Variants in GRIK4 observed in about 807,000 individuals in gnomAD.
GRIK4 encodes glutamate ionotropic receptor kainate type subunit 4.
A neutral mutation model predicts 104.9 loss-of-function variants in GRIK4; 40 were observed. The ratio of observed to expected loss-of-function variants is 0.38; its 90% CI spans 0.30 to 0.50. The LOEUF is 0.50. Among genes scored for constraint, GRIK4 ranks in the 20% least tolerant of loss-of-function variants. The probability of loss-of-function intolerance (pLI) is 0.93; values close to 1 mark genes in which losing one functional copy is unlikely to be tolerated. For synonymous variants in GRIK4, 485 were observed against 524.9 expected (o/e 0.92, Z 1.04); for missense variants, 1,047 against 1,308.1 (o/e 0.80, Z 3.08).
chr11:120,786,851 C>T (rs991757496), intron 3 of GRIK4, among the ~76,000 whole-genome samples: 2 of 152,152 alleles, frequency 1.3e-5, no homozygotes, highest in Admixed American at 6.5e-5. Context: ...CTGTCAGCAT[C>T]GGTTAGACCT....
At chr11:120,638,689 G>A (rs1428643653) in intron 1 of GRIK4, among the ~76,000 whole-genome samples, 1 of 151,680 alleles carries the variant, frequency 6.6e-6, no homozygotes, top group Non-Finnish European at 1.5e-5. Flanking sequence ...ATGTTAGCCA[G>A]GATGGTCTCA....
chr11:120,789,304 C>T (rs374310143), intron 3 of GRIK4, among the ~76,000 whole-genome samples: 10 of 152,088 alleles, frequency 6.6e-5, no homozygotes, highest in African/African-American at 2.2e-4. Context: ...AACAATCTTC[C>T]TCTCTATCCC....
At position 120,915,387 on chromosome 11, in the gene GRIK4, C is replaced by T. The variant is rs144447883; in HGVS notation, c.1476+9894C>T. On this transcript the variant is annotated intron_variant, in intron 13 of 20. Coordinates refer to ENST00000527524, the MANE Select transcript of GRIK4 (RefSeq NM_014619.5). ...GGCAATAATGGCAGTTTCGTGACTGCAGCCGCCCTTTTTTTCTTCTGAGAT... is the reference window on the plus strand; with the variant it reads ...GGCAATAATGGCAGTTTCGTGACTGTAGCCGCCCTTTTTTTCTTCTGAGAT... 3.1e-3 allele frequency among the ~76,000 whole-genome samples: 478 copies of T among 152,330 alleles called. 3 individuals are homozygous for T. Among genetic ancestry groups the T allele is most frequent in the Middle Eastern group, 6.8e-3 (2 of 294 alleles).
At chr11:120,646,627 T>C (rs547989059) in intron 1 of GRIK4, among the ~76,000 whole-genome samples, 10 of 152,342 alleles carry the variant, frequency 6.6e-5, no homozygotes, top group South Asian at 2.1e-4. Flanking sequence ...CATACACTTA[T>C]TGAGCTCCAA....
intron 3 of GRIK4, among the ~76,000 whole-genome samples, chr11:120,785,585 A>C (rs981839856): frequency 6.0e-4 from 91 of 152,320 alleles, no homozygotes; most frequent in African/African-American, 2.1e-3. Context: ...ATAGACCAAA[A>C]GGTGAACCTT....
intron 3 of GRIK4, among the ~76,000 whole-genome samples, chr11:120,680,432 C>T (rs1215879298): frequency 6.6e-6 from 1 of 152,222 alleles, no homozygotes; most frequent in Non-Finnish European, 1.5e-5. Context: ...CTCTCTGGGG[C>T]TCCAGTGCCA....
intron 8 of GRIK4, among the ~76,000 whole-genome samples, chr11:120,838,978 C>T (rs149225171): frequency 5.3e-5 from 8 of 152,048 alleles, no homozygotes; most frequent in African/African-American, 1.4e-4. Flanking sequence ...GTAGAGACGG[C>T]GTTTCACAAC....
intron 3 of GRIK4, among the ~76,000 whole-genome samples, chr11:120,673,288 A>T (rs1409676585): frequency 1.3e-5 from 2 of 152,214 alleles, no homozygotes; most frequent in South Asian, 2.1e-4. Flanking sequence ...TGAATGAATG[A>T]TGGAGACCCA....
chr11:120,678,623 T>A (rs1282328569), intron 3 of GRIK4, among the ~76,000 whole-genome samples: 2 of 46,198 alleles, frequency 4.3e-5, no homozygotes, highest in Non-Finnish European at 1.0e-4. Context: ...TAGAAGGGTT[T>A]TTTTTTTTTT....
rs373562271 is a variant in GRIK4, at chr11:120,863,176, G to C, written c.906+1056G>C. Among the ~76,000 whole-genome samples the C allele has an allele frequency of 7.2e-5, 11 of 152,304 alleles. 1 individual carries two copies. The highest frequency in any genetic ancestry group is 2.4e-4 in the African/African-American group (10 of 41,552). ...TAGATGGAAGTACAGTGATACATGC[G>C]TAATGACATTTTGGTCAGCGATGGA... On this transcript the variant is annotated intron_variant, in intron 9 of 20. Coordinates refer to ENST00000527524, the MANE Select transcript of GRIK4 (RefSeq NM_014619.5).
At chr11:120,754,868 TGG>T (rs1951626302) in intron 3 of GRIK4, among the ~76,000 whole-genome samples, 1 of 152,220 alleles carries the variant, frequency 6.6e-6, no homozygotes, top group African/African-American at 2.4e-5. Flanking sequence ...CCTTTTTAAT[TGG>T]GTTATTTGTC....
intron 11 of GRIK4, among the ~76,000 whole-genome samples, chr11:120,881,335 T>G (rs4423191): frequency 0.29 from 43,601 of 152,036 alleles, 9,077 homozygotes; most frequent in African/African-American, 0.57. Flanking sequence ...GGTACACAGG[T>G]TTCTTTTCAT....
At chr11:120,958,133 C>T (rs149777407) in intron 16 of GRIK4, among the ~76,000 whole-genome samples, 1 of 152,200 alleles carries the variant, frequency 6.6e-6, no homozygotes, top group East Asian at 1.9e-4. Context: ...ATGTCGATCT[C>T]CTTCTCCCTG....
chr11:120,663,713 C>G lies in GRIK4; in HGVS notation c.82+3313C>G, dbSNP rs538444804. ...ATATACCAGGAGGATTTACTCCCAG[C>G]TTTACCCATTCCCCTGCTCTCCCTA... is the stretch of plus-strand genomic sequence containing the variant. On this transcript the variant is annotated intron_variant, in intron 3 of 20. Transcript: ENST00000527524. Among the ~76,000 whole-genome samples, 4 of 152,278 alleles carry G rather than the reference C, an allele frequency of 2.6e-5. No homozygotes were observed. In the South Asian group the frequency reaches 6.2e-4, roughly 24 times the overall value.
chr11:120,904,782 C>T (rs1942829411), intron 12 of GRIK4, among the ~76,000 whole-genome samples: 1 of 152,196 alleles, frequency 6.6e-6, no homozygotes, highest in South Asian at 2.1e-4. Flanking sequence ...TCTGCCTCCT[C>T]CAGAGCCCAG....
At chr11:120,849,968 T>C (rs1362814112) in intron 8 of GRIK4, among the ~76,000 whole-genome samples, 1 of 152,208 alleles carries the variant, frequency 6.6e-6, no homozygotes, top group Non-Finnish European at 1.5e-5. Flanking sequence ...AGTTCATTCC[T>C]GTGGTTGGCA....
At chr11:120,704,290 A>G (rs547888232) in intron 3 of GRIK4, among the ~76,000 whole-genome samples, 1 of 152,272 alleles carries the variant, frequency 6.6e-6, no homozygotes, top group South Asian at 2.1e-4. Flanking sequence ...ATTGTATTTT[A>G]CTCACTGTTG....
intron 1 of GRIK4, among the ~76,000 whole-genome samples, chr11:120,557,515 G>A (rs546178512): frequency 3.3e-5 from 5 of 152,250 alleles, no homozygotes; most frequent in African/African-American, 1.2e-4. Flanking sequence ...TTCATCAGAC[G>A]ACCTATCTAG....
intron 3 of GRIK4, among the ~76,000 whole-genome samples, chr11:120,748,852 C>T (rs1028306043): frequency 6.6e-6 from 1 of 152,204 alleles, no homozygotes; most frequent in African/African-American, 2.4e-5. Context: ...AGCCTTCCAT[C>T]TGCCCAAGAC....
Sources: gnomAD v4.1 joint callset for allele counts (sites outside exome capture counted in the v4.1 genomes callset) on GRCh38, gnomAD v4.1.1 for gene constraint, MANE v1.5 for transcripts, NCBI Gene and HGNC (gene_info 2026-07-23, HGNC 2026-07-21) for gene names.